TRPC4: variants seen among roughly 807,000 people sequenced by gnomAD.
TRPC4 encodes transient receptor potential cation channel subfamily C member 4.
A neutral mutation model predicts 99.4 loss-of-function variants in TRPC4; 49 were observed. The ratio of observed to expected loss-of-function variants is 0.49; its 90% confidence interval spans 0.39 to 0.63. TRPC4 has a LOEUF of 0.63. TRPC4 is among the 20% of genes least tolerant of loss of function. The probability of loss-of-function intolerance (pLI) is 0.00; values close to 1 mark genes in which losing one functional copy is unlikely to be tolerated. For synonymous variants in TRPC4, 454 were observed against 425.9 expected (o/e 1.07, Z -0.81); for missense variants, 898 against 1,152.9 (o/e 0.78, Z 3.20).
intron 3 of TRPC4, among the ~76,000 whole-genome samples, chr13:37,710,942 G>C (rs1042519082): frequency 6.6e-6 from 1 of 152,008 alleles, no homozygotes; most frequent in Middle Eastern, 3.4e-3. Context: ...TTTGTAATTA[G>C]TTATTCTCTC....
chr13:37,848,369 A>G (rs974336722), intron 1 of TRPC4, among the ~76,000 whole-genome samples: 1 of 152,156 alleles, frequency 6.6e-6, no homozygotes, highest in African/African-American at 2.4e-5. Context: ...TAATATAAAA[A>G]CCATTGTATA....
chr13:37,763,031 G>A lies in TRPC4; in HGVS notation c.379-16576C>T, dbSNP rs376105069. Among the ~76,000 whole-genome samples, 45 of 151,514 alleles carry A rather than the reference G, an allele frequency of 3.0e-4. No individual in the cohort carries two copies. The South Asian group carries it at 9.2e-3, about 31-fold the overall frequency. The stretch of plus-strand genomic sequence containing the variant: ...TTTGGATTAACATTAATAAAGTAAT[G>A]CAAGGGTAAAATTTGGCCTTGAACA... On this transcript the variant is annotated intron_variant, in intron 2 of 10. Coordinates refer to ENST00000379705, the MANE Select transcript of TRPC4 (RefSeq NM_016179.4).
At chr13:37,676,013 GCAA>G (rs1488755513) in intron 4 of TRPC4, among the ~76,000 whole-genome samples, 2 of 152,092 alleles carry the variant, frequency 1.3e-5, no homozygotes, top group Non-Finnish European at 2.9e-5. Flanking sequence ...ACTGACGGTG[GCAA>G]CAACAAAACC....
chr13:37,682,753 T>A (rs1389468883), intron 4 of TRPC4, among the ~76,000 whole-genome samples: 1 of 151,826 alleles, frequency 6.6e-6, no homozygotes, highest in Non-Finnish European at 1.5e-5. Context: ...GTTTTTGTCG[T>A]TGTTGTTATT....
chr13:37,673,003 T>G (rs1010017609), intron 5 of TRPC4, among the ~76,000 whole-genome samples: 1 of 152,068 alleles, frequency 6.6e-6, no homozygotes, highest in Admixed American at 6.5e-5. Context: ...CGTGCAGGTT[T>G]GTTACATAGG....
At chr13:37,674,087 T>C in intron 5 of TRPC4, 141 bp downstream of exon 5, 1 of 749,126 alleles carries the variant, frequency 1.3e-6, no homozygotes, top group Non-Finnish European at 2.0e-6. Context: ...TCCCTATATA[T>C]CTATCAATAA....
chr13:37,816,528 A>G (rs1047417865), intron 1 of TRPC4, among the ~76,000 whole-genome samples: 1 of 151,982 alleles, frequency 6.6e-6, no homozygotes, highest in Admixed American at 6.6e-5. Flanking sequence ...AACTCATTCA[A>G]TGAGGCCAGC....
intron 3 of TRPC4, among the ~76,000 whole-genome samples, chr13:37,732,429 C>T (rs1955268045): frequency 6.6e-6 from 1 of 151,980 alleles, no homozygotes; most frequent in Non-Finnish European, 1.5e-5. Flanking sequence ...GCCACTTTTA[C>T]CCCTCCTATT....
chr13:37,718,258 A>G (rs1954747435), intron 3 of TRPC4, among the ~76,000 whole-genome samples: 1 of 151,964 alleles, frequency 6.6e-6, no homozygotes, highest in African/African-American at 2.4e-5. Flanking sequence ...GATTTTAAGT[A>G]TACTGACTTT....
chr13:37,717,098 C>A (rs939115394), intron 3 of TRPC4, among the ~76,000 whole-genome samples: 3 of 152,024 alleles, frequency 2.0e-5, no homozygotes, highest in Admixed American at 2.0e-4. Flanking sequence ...ATTTCCATGA[C>A]AATACTTCAT....
intron 3 of TRPC4, among the ~76,000 whole-genome samples, chr13:37,736,695 A>G (rs1955404312): frequency 6.6e-6 from 1 of 152,032 alleles, no homozygotes; most frequent in Non-Finnish European, 1.5e-5. Context: ...AGTTTGGAGT[A>G]CTGATTATAC....
At chr13:37,830,090 G>T (rs1010459690) in intron 1 of TRPC4, among the ~76,000 whole-genome samples, 6 of 152,138 alleles carry the variant, frequency 3.9e-5, no homozygotes, top group African/African-American at 1.4e-4. Flanking sequence ...GCAACATGAT[G>T]ACTATATTAA....
chr13:37,699,533 C>G lies in TRPC4; in HGVS notation c.898-7198G>C, dbSNP rs145701966. Among the ~76,000 whole-genome samples, 98 of 152,236 alleles carry G rather than the reference C, an allele frequency of 6.4e-4. 1 individual carries two copies. Among genetic ancestry groups the G allele is most frequent in the African/African-American group, 2.2e-3 (92 of 41,560 alleles). On this transcript the variant is annotated intron_variant, in intron 3 of 10. Coordinates refer to ENST00000379705, the MANE Select transcript of TRPC4 (RefSeq NM_016179.4). ...GGCAAAAAATCAATAGAGATTTAAT[C>G]AAATCTGAGAAACATTGGCTAAAAT...
intron 6 of TRPC4, among the ~76,000 whole-genome samples, chr13:37,658,221 C>T (rs1164145780): frequency 1.3e-5 from 2 of 152,080 alleles, no homozygotes; most frequent in African/African-American, 2.4e-5. Context: ...CAAGATAATG[C>T]TACAATTTAA....
intron 6 of TRPC4, among the ~76,000 whole-genome samples, chr13:37,662,759 T>C (rs552511506): frequency 6.6e-6 from 1 of 152,202 alleles, no homozygotes; most frequent in African/African-American, 2.4e-5. Context: ...GAATAGCCTA[T>C]GAGAGCTGTG....
intron 1 of TRPC4, among the ~76,000 whole-genome samples, chr13:37,839,899 A>G (rs1287976170): frequency 1.3e-5 from 2 of 152,170 alleles, no homozygotes; most frequent in East Asian, 3.8e-4. Flanking sequence ...CTAATATTCC[A>G]TCAACCAAGT....
In TRPC4 at chr13:37,711,760, T is replaced by C. The variant is rs1954493682; in HGVS notation, c.898-19425A>G. 2.6e-5 allele frequency among the ~76,000 whole-genome samples: 4 copies of C among 152,108 alleles called. No homozygotes were observed. The South Asian group carries it at 8.3e-4, about 31-fold the overall frequency. On this transcript the variant is annotated intron_variant, in intron 3 of 10. Transcript: ENST00000379705. ...ATAGACATTTAATGTATAAGTCTGG[T>C]ACAGTGCTGTCCCCCAAAATAAAAC...
At chr13:37,867,511 T>C (rs974562022) in intron 1 of TRPC4, among the ~76,000 whole-genome samples, 2 of 152,010 alleles carry the variant, frequency 1.3e-5, no homozygotes, top group African/African-American at 4.8e-5. Flanking sequence ...TTATTATATT[T>C]CAATACAAAT....
intron 3 of TRPC4, among the ~76,000 whole-genome samples, chr13:37,695,996 T>C (rs1953890444): frequency 6.6e-6 from 1 of 152,168 alleles, no homozygotes; most frequent in Non-Finnish European, 1.5e-5. Context: ...TAGTCAGTTT[T>C]TATACCGCTG....
Sources: allele counts gnomAD v4.1 joint callset (sites outside exome capture counted in the v4.1 genomes callset), GRCh38; gene constraint gnomAD v4.1.1; transcripts MANE v1.5; gene names NCBI Gene and HGNC (gene_info 2026-07-23, HGNC 2026-07-21).